The following KIF6 variants were observed in gnomAD, a reference collection of about 807,000 sequenced individuals.
The protein encoded by KIF6 is kinesin family member 6, also known as kinesin-like protein KIF6.
In KIF6, 106 loss-of-function variants were observed where a neutral mutation model predicts 112.7. The ratio of observed to expected loss-of-function variants is 0.94; its 90% CI spans 0.80 to 1.11. KIF6 has a LOEUF of 1.11. Among genes scored for constraint, KIF6 ranks in the 50% least tolerant of loss-of-function variants. The pLI, the probability that KIF6 is intolerant of heterozygous loss-of-function variation, is 0.00. For missense variants in KIF6, 929 were observed against 964.0 expected (o/e 0.96, Z 0.48); for synonymous variants, 339 against 339.9 (o/e 1.00, Z 0.03).
chr6:39,476,417 C>T (rs181590570), intron 13 of KIF6, among the ~76,000 whole-genome samples: 1 of 152,146 alleles, frequency 6.6e-6, no homozygotes, highest in Non-Finnish European at 1.5e-5. Context: ...ATCAAGCATG[C>T]TTTGCTTGTG....
intron 15 of KIF6, among the ~76,000 whole-genome samples, chr6:39,390,592 T>C (rs978755218): frequency 6.6e-6 from 1 of 152,144 alleles, no homozygotes; most frequent in Non-Finnish European, 1.5e-5. Flanking sequence ...GTTGTATTCA[T>C]ACTGGAGTCT....
At chr6:39,549,720 G>T (rs551889754) in intron 10 of KIF6, among the ~76,000 whole-genome samples, 1 of 152,162 alleles carries the variant, frequency 6.6e-6, no homozygotes, top group East Asian at 1.9e-4. Context: ...ACTTGTAACG[G>T]CAAAAAAAGT....
rs1472843769 is a variant in KIF6 at position 39,343,044 on chromosome 6, G to A, written c.2428+665C>T. 1 of 985,442 alleles carries A rather than the reference G, an allele frequency of 1.0e-6. No individual in the cohort carries two copies. 61.0% of individuals were successfully genotyped at this position (985,442 alleles called of 1,614,324 possible). A position where few individuals can be genotyped will look rare whatever the true frequency, so the allele number is the denominator to read the frequency against. On this transcript the variant is annotated intron_variant, in intron 22 of 22. Coordinates refer to ENST00000287152, the MANE Select transcript of KIF6 (RefSeq NM_145027.6). This position sits in a 1 kb window ranked among gnomAD's most constrained non-coding sequence, Gnocchi z 4.1. The stretch of plus-strand genomic sequence containing the variant: ...ACAAAATGCAGGCCTGGGGTAAGGG[G>A]CCCTGGGGCTTGCCCTGTGGGTGTG...
At chr6:39,401,362 C>A (rs1433230110) in intron 15 of KIF6, among the ~76,000 whole-genome samples, 1 of 152,196 alleles carries the variant, frequency 6.6e-6, no homozygotes, top group African/African-American at 2.4e-5. Flanking sequence ...TGGAAGCAGA[C>A]CCTAGTACAA....
rs1226703359 is a variant in KIF6, at chr6:39,596,075, C to A, written c.825G>T (p.Leu275Phe). 1.2e-6 allele frequency: 2 copies of A among 1,613,670 alleles called. No homozygotes were observed. Among genetic ancestry groups the A allele is most frequent in the South Asian group, 2.2e-5 (2 of 91,070 alleles). ...TTACCTGTTCTAAGTAATGTAGTGA[C>A]AAGTTGATATACTTGGCCTCTGTTA... The part of the protein sequence containing the change: ...HLLTEAKYIN[L>F]SLHYLEQVII... Residue 275 changes from leucine (L) to phenylalanine (F), a missense_variant, in exon 7 of 23, where the codon TTG becomes TTT. This residue lies in a region of KIF6 where 688 missense variants were observed against 662.7 expected (regional missense o/e 1.04). Transcript: ENST00000287152.
intron 4 of KIF6, among the ~76,000 whole-genome samples, chr6:39,637,355 C>A (rs1340954687): frequency 6.6e-6 from 1 of 151,960 alleles, no homozygotes; most frequent in Non-Finnish European, 1.5e-5. Context: ...CTTATTACTC[C>A]TTTTTAGTGT....
At chr6:39,702,253 C>A in intron 3 of KIF6, among the ~76,000 whole-genome samples, 1 of 152,158 alleles carries the variant, frequency 6.6e-6, no homozygotes, top group Non-Finnish European at 1.5e-5. Flanking sequence ...CAGATTTTCC[C>A]AGTTCACACC....
chr6:39,445,651 T>C (rs1448462352), intron 13 of KIF6, among the ~76,000 whole-genome samples: 4 of 152,156 alleles, frequency 2.6e-5, no homozygotes, highest in Non-Finnish European at 5.9e-5. Flanking sequence ...TATAGATGAC[T>C]GGGAGAGAGC....
intron 15 of KIF6, among the ~76,000 whole-genome samples, chr6:39,408,541 C>T (rs976042055): frequency 1.3e-5 from 2 of 152,072 alleles, no homozygotes; most frequent in African/African-American, 4.8e-5. Flanking sequence ...AACATACTCA[C>T]TGTTAAATGA....
chr6:39,597,722 T>C (rs895231630), intron 6 of KIF6, among the ~76,000 whole-genome samples: 1 of 152,196 alleles, frequency 6.6e-6, no homozygotes, highest in Admixed American at 6.6e-5. Context: ...TAATGGATAC[T>C]TTAAGATATA....
intron 13 of KIF6, among the ~76,000 whole-genome samples, chr6:39,455,844 A>C (rs1363223249): frequency 1.4e-5 from 2 of 142,834 alleles, no homozygotes; most frequent in Non-Finnish European, 3.1e-5. Context: ...GAAATGAGCA[A>C]AGCCTCCAAG....
At chr6:39,591,784 A>T (rs937104607) in intron 7 of KIF6, among the ~76,000 whole-genome samples, 3 of 152,204 alleles carry the variant, frequency 2.0e-5, no homozygotes, top group Non-Finnish European at 2.9e-5. Flanking sequence ...GAGCCAAATG[A>T]TCTGAAAGGC....
At chr6:39,379,849 C>G (rs548643065) in intron 16 of KIF6, among the ~76,000 whole-genome samples, 2 of 152,336 alleles carry the variant, frequency 1.3e-5, no homozygotes, top group Admixed American at 1.3e-4. Context: ...TGGACCCAGG[C>G]TACTGGCCTT....
At chr6:39,674,582 A>G (rs1197755825) in intron 3 of KIF6, among the ~76,000 whole-genome samples, 1 of 152,064 alleles carries the variant, frequency 6.6e-6, no homozygotes, top group Admixed American at 6.6e-5. Context: ...CCTTGTGGGT[A>G]AAATGTGGAA....
chr6:39,667,931 C>T (rs1205623056), intron 3 of KIF6, among the ~76,000 whole-genome samples: 1 of 152,086 alleles, frequency 6.6e-6, no homozygotes, highest in African/African-American at 2.4e-5. Flanking sequence ...TCATGAGTGG[C>T]TTAGTGCCAT....
intron 13 of KIF6, among the ~76,000 whole-genome samples, chr6:39,486,281 C>T (rs1427096429): frequency 6.6e-6 from 1 of 152,176 alleles, no homozygotes; most frequent in Non-Finnish European, 1.5e-5. Flanking sequence ...TCTGACTACC[C>T]TGCTGGAGAG....
intron 3 of KIF6, among the ~76,000 whole-genome samples, chr6:39,688,924 G>T (rs1014589540): frequency 6.6e-6 from 1 of 151,984 alleles, no homozygotes; most frequent in South Asian, 2.1e-4. Context: ...GTAGCATAGT[G>T]AGACTCCATC....
At chr6:39,473,220 G>A (rs1303237502) in intron 13 of KIF6, among the ~76,000 whole-genome samples, 1 of 151,844 alleles carries the variant, frequency 6.6e-6, no homozygotes, top group African/African-American at 2.4e-5. Context: ...ATCACTTACT[G>A]GGCTTAAAAG....
intron 18 of KIF6, among the ~76,000 whole-genome samples, 173 bp from the exon 19 acceptor site, chr6:39,357,547 C>T (rs1764807030): frequency 6.7e-6 from 1 of 150,082 alleles, no homozygotes; most frequent in Non-Finnish European, 1.5e-5. Flanking sequence ...CTTCTGGGTT[C>T]AAGCAATTCT....
Sources: gnomAD v4.1 joint callset for allele counts (sites outside exome capture counted in the v4.1 genomes callset) on GRCh38, gnomAD v4.1.1 for gene constraint, gnomAD v4.1.1 regional missense constraint, Gnocchi (gnomAD v3.1) non-coding constraint, MANE v1.5 for transcripts, NCBI Gene and HGNC (gene_info 2026-07-23, HGNC 2026-07-21) for gene names.